CCR5AS: variants seen among roughly 807,000 people sequenced by gnomAD.
CCR5AS encodes CCR5 antisense RNA.
intron 2 of CCR5AS, among the ~76,000 whole-genome samples, chr3:46,384,198 T>A (rs1180306811): frequency 6.6e-6 from 1 of 152,214 alleles, no homozygotes; most frequent in Non-Finnish European, 1.5e-5. Context: ...CTGATTTACT[T>A]AGGACCCGAG....
intron 2 of CCR5AS, among the ~76,000 whole-genome samples, chr3:46,391,921 G>A (rs530852339): frequency 6.6e-6 from 1 of 152,312 alleles, no homozygotes; most frequent in East Asian, 1.9e-4. Context: ...AGACAGGAGA[G>A]AAAGAGGAAA....
intron 1 of CCR5AS, among the ~76,000 whole-genome samples, chr3:46,401,151 T>C (rs1396975801): frequency 6.7e-6 from 1 of 150,210 alleles, no homozygotes; most frequent in Non-Finnish European, 1.5e-5. Flanking sequence ...AGCTGAGGAG[T>C]TGGCCAAACA....
chr3:46,373,415 A>T (rs767604123), intron 2 of CCR5AS: 2 of 1,612,328 alleles, frequency 1.2e-6, no homozygotes, highest in Non-Finnish European at 1.7e-6. Flanking sequence ...GATCTCAAAA[A>T]GAAGGTCTTC....
chr3:46,368,389 C>A (rs1701620897), intron 3 of CCR5AS, among the ~76,000 whole-genome samples: 2 of 152,334 alleles, frequency 1.3e-5, no homozygotes, highest in Admixed American at 6.5e-5. Context: ...AAGCTGCTAG[C>A]TTGTTGTCAT....
At chr3:46,383,150 G>A (rs1701830348) in intron 2 of CCR5AS, among the ~76,000 whole-genome samples, 1 of 152,232 alleles carries the variant, frequency 6.6e-6, no homozygotes, top group Non-Finnish European at 1.5e-5. Context: ...GAGTCAGCCA[G>A]GGGCTCATGG....
intron 1 of CCR5AS, among the ~76,000 whole-genome samples, chr3:46,403,582 C>T (rs920472663): frequency 6.6e-6 from 1 of 152,234 alleles, no homozygotes; most frequent in African/African-American, 2.4e-5. Flanking sequence ...AAAAAATGCC[C>T]TCCCTCCCCA....
intron 2 of CCR5AS, among the ~76,000 whole-genome samples, chr3:46,386,589 A>G (rs112480055): frequency 0.058 from 8,650 of 149,906 alleles, 813 homozygotes; most frequent in African/African-American, 0.2. Context: ...AGGTGGGGCC[A>G]AGGTGGGACA....
chr3:46,398,892 T>C (rs556378205), intron 1 of CCR5AS, among the ~76,000 whole-genome samples: 19 of 152,200 alleles, frequency 1.2e-4, no homozygotes, highest in Non-Finnish European at 2.6e-4. Context: ...CCCAGTAGGA[T>C]TGGGTTTAGG....
intron 2 of CCR5AS, among the ~76,000 whole-genome samples, chr3:46,379,485 C>A (rs1212828067): frequency 2.6e-5 from 4 of 152,130 alleles, no homozygotes; most frequent in Non-Finnish European, 5.9e-5. Flanking sequence ...TGTAACTGAA[C>A]CGCAGATTAG....
intron 1 of CCR5AS, among the ~76,000 whole-genome samples, chr3:46,404,258 A>G (rs1702026633): frequency 6.8e-6 from 1 of 147,884 alleles, no homozygotes; most frequent in African/African-American, 2.5e-5. Flanking sequence ...ATTGGACCCA[A>G]CCATTTGTGG....
chr3:46,404,237 G>A (rs1394345085), intron 1 of CCR5AS, among the ~76,000 whole-genome samples: 1 of 148,494 alleles, frequency 6.7e-6, no homozygotes, highest in African/African-American at 2.5e-5. Context: ...ATGAGACAAT[G>A]ATCATGAACT....
chr3:46,386,670 C>T (rs1701865682), intron 2 of CCR5AS, among the ~76,000 whole-genome samples: 1 of 152,174 alleles, frequency 6.6e-6, no homozygotes. Flanking sequence ...CAGGTTAGAA[C>T]AAACCAATGA....
chr3:46,381,148 G>A (rs1265425281), intron 2 of CCR5AS, among the ~76,000 whole-genome samples: 2 of 152,218 alleles, frequency 1.3e-5, no homozygotes, highest in African/African-American at 2.4e-5. Flanking sequence ...GAAGTGGGAT[G>A]TCTGGCGCCC....
At chr3:46,395,805 A>C (rs892255053) in intron 1 of CCR5AS, among the ~76,000 whole-genome samples, 2 of 152,182 alleles carry the variant, frequency 1.3e-5, no homozygotes, top group African/African-American at 4.8e-5. Flanking sequence ...GGACAGGACC[A>C]GCCTCTGAAG....
intron 2 of CCR5AS, among the ~76,000 whole-genome samples, chr3:46,389,606 A>T (rs1203921134): frequency 6.6e-6 from 1 of 152,192 alleles, no homozygotes; most frequent in East Asian, 1.9e-4. Context: ...AGCTGTGTGT[A>T]AGGAAAAAGG....
intron 1 of CCR5AS, among the ~76,000 whole-genome samples, chr3:46,402,671 C>T (rs1344438385): frequency 6.6e-6 from 1 of 152,178 alleles, no homozygotes; most frequent in Non-Finnish European, 1.5e-5. Context: ...TCAGTCTAAA[C>T]ATTCTAATAC....
At chr3:46,387,734 A>G (rs916110307) in intron 2 of CCR5AS, among the ~76,000 whole-genome samples, 4 of 152,212 alleles carry the variant, frequency 2.6e-5, no homozygotes, top group African/African-American at 9.6e-5. Context: ...TTGTGTGAGC[A>G]ATTAAGCTTT....
At chr3:46,395,691 A>G (rs1255350208) in intron 1 of CCR5AS, among the ~76,000 whole-genome samples, 1 of 152,110 alleles carries the variant, frequency 6.6e-6, no homozygotes, top group Non-Finnish European at 1.5e-5. Context: ...CGCCTAGAAA[A>G]GCACAACTTC....
intron 2 of CCR5AS, among the ~76,000 whole-genome samples, chr3:46,392,534 A>G (rs1701922252): frequency 1.3e-5 from 2 of 152,190 alleles, no homozygotes; most frequent in African/African-American, 4.8e-5. Context: ...TGTCCCAGCA[A>G]TTGACTTACC....
Sources: allele counts gnomAD v4.1 joint callset (sites outside exome capture counted in the v4.1 genomes callset), GRCh38; gene constraint gnomAD v4.1.1; transcripts MANE v1.5; gene names NCBI Gene and HGNC (gene_info 2026-07-23, HGNC 2026-07-21).